Variants in SUSD1 observed in about 807,000 individuals in gnomAD.
SUSD1 encodes the protein sushi domain-containing protein 1.
Under a neutral mutation model 86.9 loss-of-function variants are expected in SUSD1, and 65 were observed. The ratio of observed to expected loss-of-function variants is 0.75; its 90% CI spans 0.61 to 0.92. SUSD1 has a LOEUF of 0.92. Among genes scored for constraint, SUSD1 ranks in the 40% least tolerant of loss-of-function variants. The pLI is 0.00. For synonymous variants in SUSD1, 346 were observed against 350.0 expected, an observed-to-expected ratio of 0.99 and a Z score of 0.13; for missense variants, 850 against 929.7, an observed-to-expected ratio of 0.91 and a Z score of 1.11.
chr9:112,076,212 C>G (rs1829507282), intron 12 of SUSD1, among the ~76,000 whole-genome samples: 1 of 152,046 alleles, frequency 6.6e-6, no homozygotes, highest in Non-Finnish European at 1.5e-5. Context: ...GACTAAGGTC[C>G]AGGGTGGGAG....
At chr9:112,046,552 A>G (rs1827964044) in intron 15 of SUSD1, among the ~76,000 whole-genome samples, 1 of 152,198 alleles carries the variant, frequency 6.6e-6, no homozygotes, top group African/African-American at 2.4e-5. Context: ...TAGAAATATC[A>G]CATGCTGAAG....
chr9:112,063,056 A>G (rs774638406), intron 12 of SUSD1, 23 bp from the exon 13 acceptor site: 31 of 1,471,302 alleles, frequency 2.1e-5, no homozygotes, highest in Non-Finnish European at 2.9e-5. Flanking sequence ...TGAAAAGAAG[A>G]AAAGGGGTAT....
intron 12 of SUSD1, among the ~76,000 whole-genome samples, chr9:112,070,295 C>T (rs1375427041): frequency 6.6e-6 from 1 of 152,210 alleles, no homozygotes; most frequent in Non-Finnish European, 1.5e-5. Flanking sequence ...GCATGAGCCA[C>T]CACGCCCAGC....
chr9:112,112,903 C>T (rs1325291584), intron 6 of SUSD1, 35 bp from the exon 7 acceptor site: 8 of 1,368,770 alleles, frequency 5.8e-6, no homozygotes, highest in Admixed American at 1.7e-5. Flanking sequence ...TCACAAAATG[C>T]ATCAATGGGC....
Position 112,098,579 on chromosome 9 carries a change from A to G in SUSD1, c.1365T>C (p.Pro455=), listed in dbSNP as rs1830495844. The G allele has an allele frequency of 6.2e-7, 1 of 1,614,224 alleles. No individual in the cohort carries two copies. The highest frequency in any genetic ancestry group is 8.5e-7 in the Non-Finnish European group (1 of 1,180,040). The change falls in exon 10 of 17, where the codon CCT becomes CCC. Residue 455 remains proline (P), a synonymous_variant. Transcript: ENST00000374270. The part of the protein sequence containing the change: ...SFNFTTREQV[P]VVCLDLYPTT... ...TAGGGTACAGATCCAAACACACTAC[A>G]GGCACTTGTTCCCTCGTTGTGAAGT... is the stretch of plus-strand genomic sequence containing the variant.
At chr9:112,156,018 G>A (rs1033372612) in intron 2 of SUSD1, among the ~76,000 whole-genome samples, 17 of 151,100 alleles carry the variant, frequency 1.1e-4, no homozygotes, top group African/African-American at 4.1e-4. Flanking sequence ...GAGAGAGAAG[G>A]GAGAGAGAGA....
At chr9:112,119,373 G>A (rs1329631012) in intron 6 of SUSD1, among the ~76,000 whole-genome samples, 1 of 152,168 alleles carries the variant, frequency 6.6e-6, no homozygotes, top group African/African-American at 2.4e-5. Flanking sequence ...TGAAATGTGT[G>A]TGGCTGCAAC....
At chr9:112,045,475 A>AT (rs1272661985) in intron 15 of SUSD1, among the ~76,000 whole-genome samples, 8 of 152,216 alleles carry the variant, frequency 5.3e-5, no homozygotes, top group Non-Finnish European at 1.0e-4. Flanking sequence ...TACAGCTCTC[A>AT]TGTCCCCACA....
At chr9:112,131,360 C>G (rs1175197335) in intron 5 of SUSD1, among the ~76,000 whole-genome samples, 1 of 152,204 alleles carries the variant, frequency 6.6e-6, no homozygotes. Context: ...CCAATCTTGT[C>G]TCCAAGAGCT....
chr9:112,120,617 T>C (rs1831513052), intron 6 of SUSD1, among the ~76,000 whole-genome samples: 1 of 152,238 alleles, frequency 6.6e-6, no homozygotes, highest in Non-Finnish European at 1.5e-5. Context: ...GCCTTTTCTT[T>C]TCTTAAATCA....
intron 2 of SUSD1, among the ~76,000 whole-genome samples, chr9:112,152,390 T>C (rs575245919): frequency 5.3e-5 from 8 of 151,822 alleles, no homozygotes; most frequent in Non-Finnish European, 1.2e-4. Flanking sequence ...AAATTCTATA[T>C]GGTTTTTTTT....
At chr9:112,140,338 C>T (rs557274606) in intron 5 of SUSD1, among the ~76,000 whole-genome samples, 1 of 141,394 alleles carries the variant, frequency 7.1e-6, no homozygotes, top group East Asian at 2.0e-4. Context: ...GTCCGCAGTC[C>T]GGCCTGGGCG....
At chr9:112,061,192 C>G (rs1202066986) in intron 13 of SUSD1, among the ~76,000 whole-genome samples, 6 of 152,176 alleles carry the variant, frequency 3.9e-5, no homozygotes, top group Admixed American at 6.5e-5. Flanking sequence ...TCAGCAGAGA[C>G]TTGGTCCCAG....
chr9:112,168,081 G>T (rs1186387489), intron 1 of SUSD1, among the ~76,000 whole-genome samples: 1 of 152,214 alleles, frequency 6.6e-6, no homozygotes, highest in African/African-American at 2.4e-5. Flanking sequence ...TACAATTCAA[G>T]TTGAGATTTG....
At chr9:112,110,045 C>T (rs1322816668) in intron 8 of SUSD1, among the ~76,000 whole-genome samples, 1 of 151,936 alleles carries the variant, frequency 6.6e-6, no homozygotes, top group African/African-American at 2.4e-5. Flanking sequence ...TTCTCAACTC[C>T]CCCAAAATAA....
intron 15 of SUSD1, among the ~76,000 whole-genome samples, chr9:112,046,703 T>C (rs1288560081): frequency 6.6e-6 from 1 of 152,158 alleles, no homozygotes; most frequent in African/African-American, 2.4e-5. Context: ...AAATGGTAAA[T>C]AATAATAAAA....
intron 13 of SUSD1, 28 bp from the exon 14 acceptor site, chr9:112,058,714 C>T: frequency 6.2e-7 from 1 of 1,610,476 alleles, no homozygotes; most frequent in Non-Finnish European, 8.5e-7. Flanking sequence ...AAGTGTCCAT[C>T]AGACCCTTGC....
chr9:112,067,871 A>C (rs1243766445), intron 12 of SUSD1, among the ~76,000 whole-genome samples: 1 of 152,166 alleles, frequency 6.6e-6, no homozygotes, highest in Non-Finnish European at 1.5e-5. Flanking sequence ...CTGAGGCCAA[A>C]ATAGATTCTC....
At chr9:112,100,242 A>G (rs1413510666) in intron 9 of SUSD1, among the ~76,000 whole-genome samples, 1 of 152,028 alleles carries the variant, frequency 6.6e-6, no homozygotes, top group Non-Finnish European at 1.5e-5. Flanking sequence ...GCTGGAGTAC[A>G]GTGGTGCGAT....
Sources: gnomAD v4.1 joint callset for allele counts (sites outside exome capture counted in the v4.1 genomes callset) on GRCh38, gnomAD v4.1.1 for gene constraint, MANE v1.5 for transcripts, NCBI Gene and HGNC (gene_info 2026-07-23, HGNC 2026-07-21) for gene names.